CCDC85A: variants seen among roughly 807,000 people sequenced by gnomAD.
CCDC85A encodes coiled-coil domain-containing protein 85A.
In CCDC85A, 38 loss-of-function variants were observed where a neutral mutation model predicts 50.2. The ratio of observed to expected loss-of-function variants is 0.76; its 90% confidence interval spans 0.58 to 0.99. The LOEUF is 0.99. Ranked by LOEUF, CCDC85A falls within the 50% of genes least tolerant of loss-of-function variation. The probability of loss-of-function intolerance (pLI) is 0.00; values close to 1 mark genes in which losing one functional copy is unlikely to be tolerated. For missense variants in CCDC85A, 820 were observed against 742.0 expected (o/e 1.11, Z -1.22); for synonymous variants, 366 against 301.4 (o/e 1.21, Z -2.22).
intron 2 of CCDC85A, among the ~76,000 whole-genome samples, chr2:56,329,818 A>T (rs561032407): frequency 6.6e-6 from 1 of 152,244 alleles, no homozygotes; most frequent in African/African-American, 2.4e-5. Flanking sequence ...GTATAACTAA[A>T]AAGCCAACCA....
At chr2:56,250,121 G>C in intron 2 of CCDC85A, among the ~76,000 whole-genome samples, 1 of 152,216 alleles carries the variant, frequency 6.6e-6, no homozygotes, top group Non-Finnish European at 1.5e-5. Flanking sequence ...TATTGTGAGA[G>C]TGAAGGGCAT....
intron 3 of CCDC85A, among the ~76,000 whole-genome samples, chr2:56,354,649 C>G (rs1675131346): frequency 6.6e-6 from 1 of 152,114 alleles, no homozygotes; most frequent in Admixed American, 6.5e-5. Flanking sequence ...GGTTGAGTGC[C>G]TCTGAGCCTG....
At chr2:56,262,042 G>A (rs1177803835) in intron 2 of CCDC85A, among the ~76,000 whole-genome samples, 1 of 152,136 alleles carries the variant, frequency 6.6e-6, no homozygotes, top group Non-Finnish European at 1.5e-5. Context: ...GCCATAGGAT[G>A]TGTTATAGGG....
chr2:56,376,124 A>G (rs1010560984), intron 5 of CCDC85A, among the ~76,000 whole-genome samples, 189 bp downstream of exon 5: 7 of 151,810 alleles, frequency 4.6e-5, no homozygotes, highest in Non-Finnish European at 1.0e-4. Flanking sequence ...AATGAGTTTG[A>G]GTACTTATGG....
At chr2:56,263,981 T>C (rs1670327912) in intron 2 of CCDC85A, among the ~76,000 whole-genome samples, 1 of 152,146 alleles carries the variant, frequency 6.6e-6, no homozygotes, top group Non-Finnish European at 1.5e-5. Flanking sequence ...TAAAATACGC[T>C]AACACTAATG....
intron 4 of CCDC85A, 55 bp downstream of exon 4, chr2:56,372,533 C>G: frequency 1.4e-6 from 2 of 1,441,680 alleles, no homozygotes; most frequent in Non-Finnish European, 1.8e-6. Context: ...CAGATGACTT[C>G]TGTTGCTAGA....
chr2:56,295,052 A>G (rs936375981), intron 2 of CCDC85A, among the ~76,000 whole-genome samples: 3 of 152,338 alleles, frequency 2.0e-5, no homozygotes, highest in Non-Finnish European at 4.4e-5. Context: ...TGGCATCCAG[A>G]TTGCTGAAGA....
chr2:56,275,315 T>C lies in CCDC85A; in HGVS notation c.1241-67564T>C, dbSNP rs1482167247. Reference sequence around the variant, plus strand: ...AACATTTTTTAACATCTTTTAACTTTTATTTGTAGTCCTTTGTAGAGTGCC... The same window carrying C: ...AACATTTTTTAACATCTTTTAACTTCTATTTGTAGTCCTTTGTAGAGTGCC... On this transcript the variant is annotated intron_variant, in intron 2 of 5. Transcript: ENST00000407595. Among the ~76,000 whole-genome samples, 4 of 152,304 alleles carry C rather than the reference T, an allele frequency of 2.6e-5. No individual in the cohort carries two copies. The East Asian group carries it at 5.8e-4, about 22-fold the overall frequency.
intron 3 of CCDC85A, among the ~76,000 whole-genome samples, chr2:56,343,687 T>C (rs776889068): frequency 7.9e-5 from 12 of 152,208 alleles, no homozygotes; most frequent in Non-Finnish European, 1.3e-4. Context: ...TGGACAATAA[T>C]ATATTTTAAT....
At chr2:56,302,722 A>G (rs1672265537) in intron 2 of CCDC85A, among the ~76,000 whole-genome samples, 1 of 152,228 alleles carries the variant, frequency 6.6e-6, no homozygotes, top group East Asian at 1.9e-4. Context: ...CATTTTTACA[A>G]ATATCTAAGT....
intron 3 of CCDC85A, among the ~76,000 whole-genome samples, chr2:56,350,902 G>T (rs1239319461): frequency 1.3e-5 from 2 of 148,268 alleles, no homozygotes; most frequent in Non-Finnish European, 3.0e-5. Flanking sequence ...TGCACAATGT[G>T]CAGGTTAGTT....
intron 3 of CCDC85A, among the ~76,000 whole-genome samples, chr2:56,366,222 G>A (rs1675786525): frequency 6.6e-6 from 1 of 152,162 alleles, no homozygotes; most frequent in African/African-American, 2.4e-5. Flanking sequence ...TAACATGGGA[G>A]TGCAGATATC....
At chr2:56,252,499 C>T (rs1028414655) in intron 2 of CCDC85A, among the ~76,000 whole-genome samples, 3 of 151,686 alleles carry the variant, frequency 2.0e-5, no homozygotes, top group Admixed American at 6.6e-5. Flanking sequence ...ATGCATAGTA[C>T]GTAAAAGGAG....
Position 56,385,317 on chromosome 2 carries a change from T to C in CCDC85A, c.*962T>C, listed in dbSNP as rs1475976961. The C allele has an allele frequency of 6.6e-6, 1 of 152,310 alleles. No individual in the cohort carries two copies. Among genetic ancestry groups the C allele is most frequent in the Admixed American group, 6.6e-5 (1 of 15,204 alleles). The allele number at this position is 152,310 out of a possible 1,614,324, so 9.4% of individuals were successfully genotyped here. On this transcript the variant is annotated 3_prime_UTR_variant, in exon 6 of 6. Transcript: ENST00000407595. ...AAGCTTTCTTTGCCTACTGCAGCTATCTAACATTTTATGAAACTGACGCAT... is the reference window on the plus strand; with the variant it reads ...AAGCTTTCTTTGCCTACTGCAGCTACCTAACATTTTATGAAACTGACGCAT...
chr2:56,208,921 T>C (rs1159334623), intron 2 of CCDC85A, among the ~76,000 whole-genome samples: 1 of 152,060 alleles, frequency 6.6e-6, no homozygotes, highest in Admixed American at 6.6e-5. Context: ...AACTCTTCAT[T>C]TATAATCCAG....
At chr2:56,268,355 T>G (rs1444312238) in intron 2 of CCDC85A, among the ~76,000 whole-genome samples, 2 of 152,054 alleles carry the variant, frequency 1.3e-5, no homozygotes, top group Admixed American at 6.6e-5. Flanking sequence ...CCCAGCACTT[T>G]GGGAGGCCAG....
intron 2 of CCDC85A, among the ~76,000 whole-genome samples, chr2:56,291,398 ATTAG>A (rs1376215992): frequency 6.6e-6 from 1 of 152,226 alleles, no homozygotes; most frequent in African/African-American, 2.4e-5. Flanking sequence ...TGAACATATC[ATTAG>A]TTAGTGAAAA....
At position 56,192,478 on chromosome 2, in the gene CCDC85A, A is replaced by G. The variant is rs763875022; in HGVS notation, c.278A>G (p.Asp93Gly). 1.2e-6 allele frequency: 2 copies of G among 1,606,972 alleles called. No individual in the cohort carries two copies. Among genetic ancestry groups the G allele is most frequent in the Non-Finnish European group, 1.7e-6 (2 of 1,176,686 alleles). ...GAATGGTTGTGTCTCTCTTTTCAGG[A>G]TATCAACCAGAAACTCCAGGAAGAC... is the stretch of plus-strand genomic sequence containing the variant. ...LHLGEIRGLKDINQKLQEDNQ... is the reference protein window; with the variant it reads ...LHLGEIRGLKGINQKLQEDNQ... Residue 93 changes from aspartate (D) to glycine (G), a missense_variant and splice_region_variant, in exon 2 of 6, where the codon GAT (aspartate) becomes GGT (glycine). Physicochemically the swap from Asp to Gly is moderately conservative, Grantham distance 94. Transcript: ENST00000407595. This position sits in a 1 kb window ranked among gnomAD's most constrained non-coding sequence, Gnocchi z 4.7.
chr2:56,343,809 G>T (rs546515864), intron 3 of CCDC85A, among the ~76,000 whole-genome samples: 2 of 152,266 alleles, frequency 1.3e-5, no homozygotes, highest in South Asian at 2.1e-4. Flanking sequence ...CAAACAACTA[G>T]TAAGCAGTAG....
Sources: gnomAD v4.1 joint callset for allele counts (sites outside exome capture counted in the v4.1 genomes callset) on GRCh38, gnomAD v4.1.1 for gene constraint, Gnocchi (gnomAD v3.1) non-coding constraint, MANE v1.5 for transcripts, NCBI Gene and HGNC (gene_info 2026-07-23, HGNC 2026-07-21) for gene names.